CEP170: variants seen among roughly 807,000 people sequenced by gnomAD.
CEP170 encodes the protein centrosomal protein of 170 kDa.
In CEP170, 21 loss-of-function variants were observed where a neutral mutation model predicts 151.9. That is an observed-to-expected ratio of 0.14 (90% CI 0.10 to 0.20). CEP170 has a LOEUF of 0.20. Among genes scored for constraint, CEP170 ranks in the 10% least tolerant of loss-of-function variants. The pLI is 1.00. For synonymous variants in CEP170, 356 were observed against 648.8 expected (o/e 0.55, Z 6.86); for missense variants, 964 against 1,892.9 (o/e 0.51, Z 9.11).
intron 2 of CEP170, 50 bp downstream of exon 2, chr1:243,225,126 C>G: frequency 8.9e-7 from 1 of 1,120,846 alleles, no homozygotes; most frequent in Non-Finnish European, 1.2e-6. Flanking sequence ...AGATTTTACA[C>G]TAATTTCAAG....
intron 1 of CEP170, among the ~76,000 whole-genome samples, chr1:243,251,819 TG>T (rs1374579121): frequency 6.6e-6 from 1 of 152,190 alleles, no homozygotes; most frequent in Non-Finnish European, 1.5e-5. Flanking sequence ...ACTTTGCTTT[TG>T]CTGTTTTGTT....
At chr1:243,212,411 C>G (rs1022083704) in intron 3 of CEP170, among the ~76,000 whole-genome samples, 1 of 151,866 alleles carries the variant, frequency 6.6e-6, no homozygotes, top group African/African-American at 2.4e-5. Flanking sequence ...AGAAAATTTA[C>G]TTTAAGAAAA....
Position 243,185,875 on chromosome 1 carries a change from C to A in CEP170, c.1470G>T (p.Lys490Asn). ...KNQATSATSEKDNDDDQSDKG... is the reference protein window; with the variant it reads ...KNQATSATSENDNDDDQSDKG... ...TGTCACTTTGGTCATCATCATTATC[C>A]TTTTCAGAAGTAGCAGAAGTTGCTT... The change falls in exon 10 of 20, where the codon AAG (lysine) becomes AAT (asparagine). Residue 490 changes from lysine (K) to asparagine (N), a missense_variant. Lys to Asn is a moderately conservative substitution (Grantham distance 94). Coordinates refer to ENST00000366542, the MANE Select transcript of CEP170 (RefSeq NM_014812.3). This position sits in a 1 kb window ranked among gnomAD's most constrained non-coding sequence, Gnocchi z 4.9. 1 of 1,613,558 alleles carries A rather than the reference C, an allele frequency of 6.2e-7. No individual in the cohort carries two copies. The highest frequency in any genetic ancestry group is 8.5e-7 in the Non-Finnish European group (1 of 1,179,688).
intron 1 of CEP170, among the ~76,000 whole-genome samples, chr1:243,251,240 A>C (rs2065909131): frequency 6.6e-6 from 1 of 152,162 alleles, no homozygotes; most frequent in Non-Finnish European, 1.5e-5. Flanking sequence ...GGACCCAATA[A>C]CATCTCAGAG....
At chr1:243,240,940 G>A (rs962696144) in intron 1 of CEP170, among the ~76,000 whole-genome samples, 19 of 152,200 alleles carry the variant, frequency 1.2e-4, no homozygotes, top group African/African-American at 3.1e-4. Context: ...TGATCCTCCC[G>A]CTTCGTCCTT....
chr1:243,201,314 T>G (rs2148838014), intron 4 of CEP170, among the ~76,000 whole-genome samples: 1 of 152,246 alleles, frequency 6.6e-6, no homozygotes, highest in Middle Eastern at 3.4e-3. Flanking sequence ...AAAGAAATGC[T>G]ATAATTAGGG....
At chr1:243,224,233 A>C (rs966306041) in intron 2 of CEP170, among the ~76,000 whole-genome samples, 4 of 152,200 alleles carry the variant, frequency 2.6e-5, no homozygotes, top group African/African-American at 7.2e-5. Context: ...TCTGATACTA[A>C]TGGGAAAACC....
chr1:243,172,725 A>C lies in CEP170; in HGVS notation c.1688T>G (p.Leu563Arg), dbSNP rs1226187187. 1 of 1,591,524 alleles carries C rather than the reference A, an allele frequency of 6.3e-7. No homozygotes were observed. Among genetic ancestry groups the C allele is most frequent in the Non-Finnish European group, 8.6e-7 (1 of 1,168,264 alleles). The change falls in exon 11 of 20, where the codon CTG (leucine) becomes CGG (arginine). Residue 563 changes from leucine to arginine, a missense_variant. Coordinates refer to ENST00000366542, the MANE Select transcript of CEP170 (RefSeq NM_014812.3). ...TGAGTGGTGAAATCCAGATGTAGTCAGTGGTTTTCTTTCTTCCATTACTGC... is the reference window on the plus strand; with the variant it reads ...TGAGTGGTGAAATCCAGATGTAGTCCGTGGTTTTCTTTCTTCCATTACTGC... Reference protein sequence around the residue: ...AAAVMEERKPLTTSGFHHSEE... With the variant: ...AAAVMEERKPRTTSGFHHSEE...
intron 14 of CEP170, among the ~76,000 whole-genome samples, chr1:243,146,926 C>A (rs750707340): frequency 7.0e-6 from 1 of 143,206 alleles, no homozygotes; most frequent in African/African-American, 2.7e-5. Context: ...GTGAATCCCC[C>A]CTAACCAGTA....
At chr1:243,204,668 C>T (rs1249493080) in intron 4 of CEP170, among the ~76,000 whole-genome samples, 1 of 152,264 alleles carries the variant, frequency 6.6e-6, no homozygotes, top group African/African-American at 2.4e-5. Context: ...TCTCACCCAT[C>T]TCTTAATATT....
chr1:243,242,554 C>G (rs966754849), intron 1 of CEP170, among the ~76,000 whole-genome samples: 2 of 152,166 alleles, frequency 1.3e-5, no homozygotes, highest in African/African-American at 2.4e-5. Context: ...ACAATAAACA[C>G]TAGACCTGCT....
intron 14 of CEP170, among the ~76,000 whole-genome samples, 195 bp downstream of exon 14, chr1:243,156,026 T>C (rs1410202330): frequency 6.6e-6 from 1 of 151,958 alleles, no homozygotes; most frequent in Non-Finnish European, 1.5e-5. Flanking sequence ...TACAATATGT[T>C]AGTGGTATAG....
chr1:243,204,222 A>C (rs1368905616), intron 4 of CEP170, among the ~76,000 whole-genome samples: 1 of 152,170 alleles, frequency 6.6e-6, no homozygotes, highest in Non-Finnish European at 1.5e-5. Flanking sequence ...TCTCTGAATG[A>C]AAGTTCTTAA....
Position 243,164,924 on chromosome 1 carries a change from A to G in CEP170, c.3036T>C (p.Ser1012=), listed in dbSNP as rs1172701645. Residue 1012 remains serine (S), a synonymous_variant, in exon 13 of 20, where the codon AGT becomes AGC. Transcript: ENST00000366542. ...RADGRKFVQS[S]GRIRQPSVDL... is the part of the protein sequence containing the mutation. Reference sequence around the variant, plus strand: ...CTACTGAGGGCTGTCTTATTCTCCCACTGGACTGAACAAATTTACGACCAT... The same window carrying G: ...CTACTGAGGGCTGTCTTATTCTCCCGCTGGACTGAACAAATTTACGACCAT... The G allele has an allele frequency of 3.1e-6, 5 of 1,613,764 alleles. No homozygotes were observed. The African/African-American group carries it at 6.7e-5, about 22-fold the overall frequency.
intron 10 of CEP170, among the ~76,000 whole-genome samples, chr1:243,175,787 C>G (rs1315934545): frequency 9.0e-6 from 1 of 111,444 alleles, no homozygotes; most frequent in Admixed American, 1.0e-4. Context: ...CTGGAAGGCT[C>G]AACAGTATTT....
chr1:243,159,773 G>GTGTGT (rs561699441), intron 13 of CEP170, among the ~76,000 whole-genome samples: 40 of 149,980 alleles, frequency 2.7e-4, no homozygotes, highest in African/African-American at 9.3e-4. Context: ...TTGTGTGTGT[G>GTGTGT]TGTGTGTGTG....
At chr1:243,141,916 A>C (rs2148316919) in intron 15 of CEP170, among the ~76,000 whole-genome samples, 1 of 152,338 alleles carries the variant, frequency 6.6e-6, no homozygotes, top group South Asian at 2.1e-4. Context: ...TTGTTATCAG[A>C]GTATCTTCTA....
At chr1:243,149,088 T>C (rs2056818143) in intron 14 of CEP170, among the ~76,000 whole-genome samples, 1 of 152,220 alleles carries the variant, frequency 6.6e-6, no homozygotes, top group Non-Finnish European at 1.5e-5. Flanking sequence ...AGATTTAATT[T>C]TTTTAAAGGC....
At chr1:243,150,096 C>A (rs2056914889) in intron 14 of CEP170, among the ~76,000 whole-genome samples, 1 of 152,014 alleles carries the variant, frequency 6.6e-6, no homozygotes, top group African/African-American at 2.4e-5. Flanking sequence ...TCTTACAATG[C>A]CAAGTGAGTT....
Sources: allele counts gnomAD v4.1 joint callset (sites outside exome capture counted in the v4.1 genomes callset), GRCh38; gene constraint gnomAD v4.1.1; non-coding constraint Gnocchi (gnomAD v3.1); transcripts MANE v1.5; gene names NCBI Gene and HGNC (gene_info 2026-07-23, HGNC 2026-07-21).